DNER: variants seen among roughly 807,000 people sequenced by gnomAD.
DNER encodes delta/notch like EGF repeat containing.
A neutral mutation model predicts 78.2 loss-of-function variants in DNER; 33 were observed. The ratio of observed to expected loss-of-function variants is 0.42; its 90% CI spans 0.32 to 0.56. The LOEUF is 0.56. Among genes scored for constraint, DNER ranks in the 20% least tolerant of loss-of-function variants. The pLI, the probability that DNER is intolerant of heterozygous loss-of-function variation, is 0.11. For missense variants in DNER, 918 were observed against 975.3 expected, an observed-to-expected ratio of 0.94 and a Z score of 0.78; for synonymous variants, 417 against 384.8, an observed-to-expected ratio of 1.08 and a Z score of -0.98.
chr2:229,361,711 C>G (rs2106324117), intron 12 of DNER, among the ~76,000 whole-genome samples: 1 of 152,010 alleles, frequency 6.6e-6, no homozygotes, highest in East Asian at 1.9e-4. Context: ...ATGTATGAAG[C>G]CCCTCTGAAA....
chr2:229,623,131 T>C (rs72991688), intron 1 of DNER, among the ~76,000 whole-genome samples: 3,245 of 152,216 alleles, frequency 0.021, 45 homozygotes, highest in Middle Eastern at 0.034. Flanking sequence ...CTCGCAGACC[T>C]CATGGTGGGA....
At chr2:229,626,112 G>T (rs1422400427) in intron 1 of DNER, among the ~76,000 whole-genome samples, 1 of 152,096 alleles carries the variant, frequency 6.6e-6, no homozygotes, top group African/African-American at 2.4e-5. Context: ...GTAGAGACGG[G>T]GTTTCACCGT....
At chr2:229,373,069 A>C (rs1692522198) in intron 11 of DNER, among the ~76,000 whole-genome samples, 1 of 152,220 alleles carries the variant, frequency 6.6e-6, no homozygotes, top group African/African-American at 2.4e-5. Flanking sequence ...AATCCTCAAA[A>C]GCAATCGCAA....
chr2:229,587,038 C>T, intron 3 of DNER: 1 of 972,196 alleles, frequency 1.0e-6, no homozygotes, highest in East Asian at 1.1e-4. Context: ...TCCCGTTCTG[C>T]AGCTTAAGGG....
chr2:229,507,045 A>G (rs1305236131), intron 6 of DNER, among the ~76,000 whole-genome samples: 3 of 152,230 alleles, frequency 2.0e-5, no homozygotes, highest in African/African-American at 7.2e-5. Context: ...TCTGTACAGC[A>G]TGTTATTGTA....
Position 229,497,620 on chromosome 2 carries a change from T to C in DNER, c.1147+15163A>G, listed in dbSNP as rs147269192. ...ATGAAAGAGGGGATATTACAACTGA[T>C]ACCACAGAGATACAAAGGATTTGTT... On this transcript the variant is annotated intron_variant, in intron 6 of 12. Transcript: ENST00000341772. 4.1e-3 allele frequency among the ~76,000 whole-genome samples: 623 copies of C among 152,078 alleles called. 6 individuals carry two copies. Among genetic ancestry groups the C allele is most frequent in the African/African-American group, 0.014 (592 of 41,538 alleles).
intron 5 of DNER, among the ~76,000 whole-genome samples, chr2:229,543,107 C>T (rs556362605): frequency 6.6e-6 from 1 of 152,048 alleles, no homozygotes; most frequent in East Asian, 1.9e-4. Context: ...ACCAGAAGCT[C>T]TTCAAAAACC....
At chr2:229,637,906 C>A (rs1698554528) in intron 1 of DNER, among the ~76,000 whole-genome samples, 1 of 152,130 alleles carries the variant, frequency 6.6e-6, no homozygotes. Flanking sequence ...TGGTTTATTT[C>A]AAAAATTACC....
chr2:229,452,697 C>T (rs1294924478), intron 7 of DNER, among the ~76,000 whole-genome samples: 2 of 152,180 alleles, frequency 1.3e-5, no homozygotes, highest in East Asian at 1.9e-4. Flanking sequence ...GGCATGATCT[C>T]GGCTCACTGC....
rs112420478 is a variant in DNER, at chr2:229,378,444, T to A, written c.1855+9821A>T. ...TGGGTGAAGGTCCTGAAGGCAGGGA[T>A]GACCTTGACCTGCTCAAGGAAGGGA... On this transcript the variant is annotated intron_variant, in intron 11 of 12. Coordinates refer to ENST00000341772, the MANE Select transcript of DNER (RefSeq NM_139072.4). Among the ~76,000 whole-genome samples, 630 of 152,274 alleles carry A rather than the reference T, an allele frequency of 4.1e-3. 7 individuals carry two copies. The highest frequency in any genetic ancestry group is 0.014 in the African/African-American group (580 of 41,546).
chr2:229,569,272 C>T (rs946034108), intron 4 of DNER, among the ~76,000 whole-genome samples: 17 of 152,182 alleles, frequency 1.1e-4, no homozygotes, highest in Admixed American at 2.6e-4. Flanking sequence ...CCTGTAATCC[C>T]ACCACTTTGG....
chr2:229,529,874 T>G (rs1196716887), intron 5 of DNER, among the ~76,000 whole-genome samples: 3 of 151,956 alleles, frequency 2.0e-5, no homozygotes, highest in East Asian at 1.9e-4. Flanking sequence ...GGGCATAAGT[T>G]GGTATACCCG....
chr2:229,434,059 G>A (rs1362651132), intron 8 of DNER, among the ~76,000 whole-genome samples: 3 of 152,122 alleles, frequency 2.0e-5, no homozygotes, highest in Non-Finnish European at 1.5e-5. Flanking sequence ...ATATATCAGA[G>A]GTGGCCTCAT....
intron 10 of DNER, among the ~76,000 whole-genome samples, chr2:229,403,626 A>G (rs1016187595): frequency 1.3e-5 from 2 of 152,192 alleles, no homozygotes; most frequent in African/African-American, 4.8e-5. Context: ...GTTTTCAAAA[A>G]GCAGTTAGAG....
chr2:229,384,897 C>T (rs1692828126), intron 11 of DNER, among the ~76,000 whole-genome samples: 1 of 152,044 alleles, frequency 6.6e-6, no homozygotes, highest in Admixed American at 6.6e-5. Context: ...GGACTCCTTC[C>T]CAACTCATTT....
At chr2:229,379,089 T>G in intron 11 of DNER, among the ~76,000 whole-genome samples, 1 of 152,240 alleles carries the variant, frequency 6.6e-6, no homozygotes, top group South Asian at 2.1e-4. Context: ...GAACACGGCG[T>G]CCAGGTATGC....
At chr2:229,646,895 A>G (rs1040161050) in intron 1 of DNER, among the ~76,000 whole-genome samples, 17 of 152,248 alleles carry the variant, frequency 1.1e-4, no homozygotes, top group African/African-American at 4.1e-4. Flanking sequence ...GTGGCCAGGC[A>G]TGGTGGCTCA....
At chr2:229,523,263 G>A (rs1327047875) in intron 5 of DNER, among the ~76,000 whole-genome samples, 1 of 152,216 alleles carries the variant, frequency 6.6e-6, no homozygotes, top group East Asian at 1.9e-4. Context: ...CCCATCGTGG[G>A]TTTCTTTCCT....
intron 6 of DNER, among the ~76,000 whole-genome samples, chr2:229,490,380 A>G (rs1161252588): frequency 6.6e-6 from 1 of 152,248 alleles, no homozygotes; most frequent in East Asian, 1.9e-4. Context: ...GTACATCCAT[A>G]CAATGGAATA....
Sources: gnomAD v4.1 joint callset for allele counts (sites outside exome capture counted in the v4.1 genomes callset) on GRCh38, gnomAD v4.1.1 for gene constraint, MANE v1.5 for transcripts, NCBI Gene and HGNC (gene_info 2026-07-23, HGNC 2026-07-21) for gene names.